Variants in BCAS4 observed in about 807,000 individuals in gnomAD.
BCAS4 encodes breast carcinoma-amplified sequence 4.
Under a neutral mutation model 15.7 loss-of-function variants are expected in BCAS4, and 9 were observed. The observed-to-expected ratio is 0.57, with a 90% CI of 0.34 to 1.00. The LOEUF is 1.00. Among genes scored for constraint, BCAS4 ranks in the 50% least tolerant of loss-of-function variants. The pLI, the probability that BCAS4 is intolerant of heterozygous loss-of-function variation, is 0.02. For synonymous variants in BCAS4, 101 were observed against 99.5 expected (o/e 1.02, Z -0.09); for missense variants, 225 against 239.1 (o/e 0.94, Z 0.39).
At chr20:50,816,620 C>T (rs1221955442) in intron 1 of BCAS4, among the ~76,000 whole-genome samples, 5 of 152,010 alleles carry the variant, frequency 3.3e-5, no homozygotes, top group African/African-American at 1.2e-4. Context: ...CTGTTTCACT[C>T]ATTTATGTTA....
intron 1 of BCAS4, among the ~76,000 whole-genome samples, chr20:50,798,546 A>G (rs941161970): frequency 6.6e-6 from 1 of 152,132 alleles, no homozygotes; most frequent in African/African-American, 2.4e-5. Context: ...AGCATATCCA[A>G]AATATTTCAA....
At chr20:50,809,564 C>T (rs11906538) in intron 1 of BCAS4, among the ~76,000 whole-genome samples, 20,687 of 152,012 alleles carry the variant, frequency 0.14, 1,481 homozygotes, top group South Asian at 0.15. Flanking sequence ...GTTCTTTTTG[C>T]TTAGTTTTGC....
chr20:50,850,193 C>T (rs368183387), intron 4 of BCAS4, among the ~76,000 whole-genome samples: 14 of 152,216 alleles, frequency 9.2e-5, no homozygotes, highest in Non-Finnish European at 1.8e-4. Flanking sequence ...TTATATTGAG[C>T]CCCTACTGTA....
intron 3 of BCAS4, among the ~76,000 whole-genome samples, chr20:50,832,026 G>A (rs548168126): frequency 3.3e-5 from 5 of 152,298 alleles, no homozygotes; most frequent in African/African-American, 7.2e-5. Context: ...CCTGGTTCTC[G>A]CCTGGCCTGG....
intron 1 of BCAS4, among the ~76,000 whole-genome samples, chr20:50,804,950 C>T (rs530840381): frequency 2.6e-5 from 4 of 152,206 alleles, no homozygotes; most frequent in East Asian, 1.9e-4. Context: ...CCCTGGCTTC[C>T]GGGATCTTTC....
At chr20:50,822,205 G>A (rs949011141) in intron 2 of BCAS4, among the ~76,000 whole-genome samples, 6 of 152,156 alleles carry the variant, frequency 3.9e-5, no homozygotes, top group Non-Finnish European at 8.8e-5. Flanking sequence ...GGGCTTCCTC[G>A]TAGCATGGCT....
rs1054175958 is a variant in BCAS4, at chr20:50,863,248, CTTTTTTTT to C, written c.400-13218_400-13211del. Among the ~76,000 whole-genome samples the C allele has an allele frequency of 6.4e-4, 55 of 86,090 alleles. 1 individual carries two copies. Among genetic ancestry groups the C allele is most frequent in the African/African-American group, 2.9e-3 (53 of 18,318 alleles). The allele number at this position is 86,090 out of a possible 152,430, so 56.5% of individuals were successfully genotyped here. ...GTTTTCTTCCCAGAGCTAACTGGTGCTTTTTTTTTTTTTTTTTTTTTTTTTTTGAGACG... is the reference window on the plus strand; with the variant it reads ...GTTTTCTTCCCAGAGCTAACTGGTGCTTTTTTTTTTTTTTTTTTTGAGACG... On this transcript the variant is annotated intron_variant, in intron 4 of 4. Transcript: ENST00000371608.
intron 3 of BCAS4, among the ~76,000 whole-genome samples, chr20:50,831,489 C>A (rs900095833): frequency 6.6e-6 from 1 of 152,144 alleles, no homozygotes; most frequent in Non-Finnish European, 1.5e-5. Flanking sequence ...CTTCCACAGT[C>A]CCCACCATGC....
chr20:50,880,638 C>T (rs555566957), downstream of BCAS4: 80 of 152,190 alleles, frequency 5.3e-4, no homozygotes, highest in African/African-American at 1.9e-3. Flanking sequence ...TCTTTTGTGG[C>T]TGATGTTGGA....
chr20:50,816,960 A>G (rs113590898), intron 1 of BCAS4, among the ~76,000 whole-genome samples: 4 of 151,628 alleles, frequency 2.6e-5, no homozygotes, highest in Non-Finnish European at 4.4e-5. Context: ...GTGTGCCACC[A>G]CACCCGGCTA....
Position 50,830,315 on chromosome 20 carries a change from A to G in BCAS4, c.199A>G (p.Ile67Val). ...TACTTCACAGATCCTGGAGGAAAAC[A>G]TCCCAGTCCTTAAGGCCAAACTGAC... is the stretch of plus-strand genomic sequence containing the variant. ...SDTSQILEENIPVLKAKLTEM... is the reference protein window; with the variant it reads ...SDTSQILEENVPVLKAKLTEM... The change falls in exon 3 of 5, where the codon ATC (isoleucine) becomes GTC (valine). Residue 67 changes from isoleucine to valine, a missense_variant. Transcript: ENST00000371608. 1 of 1,614,108 alleles carries G rather than the reference A, an allele frequency of 6.2e-7. No homozygotes were observed. The highest frequency in any genetic ancestry group is 8.5e-7 in the Non-Finnish European group (1 of 1,179,976).
At chr20:50,879,982 A>T (rs1051900904), downstream of BCAS4, 1 of 152,496 alleles carries the variant, frequency 6.6e-6, no homozygotes, top group African/African-American at 2.4e-5. Context: ...CCGGGCTGTG[A>T]TGGGGAAAGG....
At chr20:50,856,827 G>C (rs560445818) in intron 4 of BCAS4, among the ~76,000 whole-genome samples, 47 of 152,076 alleles carry the variant, frequency 3.1e-4, no homozygotes, top group Non-Finnish European at 6.3e-4. Context: ...CACCTACTGT[G>C]TGCCAGGCCC....
At chr20:50,819,108 G>A (rs111904266) in intron 2 of BCAS4, among the ~76,000 whole-genome samples, 15,095 of 152,060 alleles carry the variant, frequency 0.099, 774 homozygotes, top group Admixed American at 0.12. Flanking sequence ...GCTTGAACCC[G>A]GAAGGTGGAG....
At chr20:50,810,882 G>A (rs2088053420) in intron 1 of BCAS4, among the ~76,000 whole-genome samples, 2 of 152,086 alleles carry the variant, frequency 1.3e-5, no homozygotes, top group African/African-American at 4.8e-5. Flanking sequence ...GAGCCACCAT[G>A]CCCGGCCATG....
At chr20:50,820,864 G>A (rs536852189) in intron 2 of BCAS4, among the ~76,000 whole-genome samples, 2 of 152,202 alleles carry the variant, frequency 1.3e-5, no homozygotes, top group Non-Finnish European at 2.9e-5. Context: ...ATGACCCACA[G>A]GTCCAATCCT....
At chr20:50,814,453 T>C (rs2088113320) in intron 1 of BCAS4, among the ~76,000 whole-genome samples, 2 of 152,200 alleles carry the variant, frequency 1.3e-5, no homozygotes, top group African/African-American at 2.4e-5. Context: ...CATGCCCAGT[T>C]AGTTTTCTTT....
At chr20:50,866,919 T>C (rs574649181) in intron 4 of BCAS4, among the ~76,000 whole-genome samples, 6 of 152,310 alleles carry the variant, frequency 3.9e-5, no homozygotes, top group Non-Finnish European at 8.8e-5. Context: ...TCTGTGACCT[T>C]TCAGGTCCCA....
intron 4 of BCAS4, among the ~76,000 whole-genome samples, chr20:50,857,135 T>C (rs1978805128): frequency 6.6e-6 from 1 of 152,198 alleles, no homozygotes; most frequent in Non-Finnish European, 1.5e-5. Flanking sequence ...AGCAGTATTT[T>C]CTTCCTTTTT....
Sources: allele counts gnomAD v4.1 joint callset (sites outside exome capture counted in the v4.1 genomes callset), GRCh38; gene constraint gnomAD v4.1.1; transcripts MANE v1.5; gene names NCBI Gene and HGNC (gene_info 2026-07-23, HGNC 2026-07-21).